Variants in MIGA2 observed in about 807,000 individuals in gnomAD.
The protein encoded by MIGA2 is mitoguardin 2.
A neutral mutation model predicts 69.9 loss-of-function variants in MIGA2; 36 were observed. That is an observed-to-expected ratio of 0.52 (90% CI 0.39 to 0.68). MIGA2 has a LOEUF of 0.68. Among genes scored for constraint, MIGA2 ranks in the 30% least tolerant of loss-of-function variants. The pLI is 0.00. For missense variants in MIGA2, 660 were observed against 787.7 expected (o/e 0.84, Z 1.94); for synonymous variants, 333 against 349.2 (o/e 0.95, Z 0.52).
chr9:129,048,438 C>G lies in MIGA2; in HGVS notation c.319C>G (p.Arg107Gly). 1 of 1,613,858 alleles carries G rather than the reference C, an allele frequency of 6.2e-7. No individual in the cohort carries two copies. Among genetic ancestry groups the G allele is most frequent in the Non-Finnish European group, 8.5e-7 (1 of 1,179,822 alleles). The change falls in exon 4 of 16, where the codon CGG becomes GGG. Residue 107 changes from arginine to glycine, a missense_variant. This residue lies in a region of MIGA2 where 386 missense variants were observed against 402.0 expected (regional missense o/e 0.96). Coordinates refer to ENST00000684074, the MANE Select transcript of MIGA2 (RefSeq NM_001329990.2). ...TCTGCTCCTCACAGGATACTCCAGC[C>G]GGAGAGTCCAGAGCCCCAGCAGCAA... ...VPSVKKGYSS[R>G]RVQSPSSKSN... is the part of the protein sequence containing the mutation.
In MIGA2 at chr9:129,068,444, C is replaced by T. The variant is rs917332271; in HGVS notation, c.1404+112C>T. 4 of 1,458,174 alleles carry T rather than the reference C, an allele frequency of 2.7e-6. No individual in the cohort carries two copies. The Admixed American group carries it at 6.2e-5, about 23-fold the overall frequency. 90.3% of individuals were successfully genotyped at this position (1,458,174 alleles called of 1,614,324 possible). On this transcript the variant is annotated intron_variant, in intron 13 of 15. Coordinates refer to ENST00000684074, the MANE Select transcript of MIGA2 (RefSeq NM_001329990.2). The surrounding 1 kb of genome is among the most constrained non-coding windows in gnomAD (Gnocchi z 4.1). Reference sequence around the variant, plus strand: ...GGCACCAGGGCTGGGCCCCCACCCCCTAGATCCGCGGCTGCCAGGCCTGGG... The same window carrying T: ...GGCACCAGGGCTGGGCCCCCACCCCTTAGATCCGCGGCTGCCAGGCCTGGG...
chr9:129,048,055 G>A (rs1019990416), intron 3 of MIGA2, among the ~76,000 whole-genome samples: 11 of 152,108 alleles, frequency 7.2e-5, no homozygotes, highest in Non-Finnish European at 1.3e-4. Context: ...AAAAGTTGTC[G>A]TCTCACATCT....
intron 1 of MIGA2, chr9:129,036,943 A>G (rs977501257): frequency 3.0e-6 from 3 of 1,002,766 alleles, no homozygotes; most frequent in Non-Finnish European, 3.6e-6. Context: ...CAGGTACCCG[A>G]TCCGAGGCGG....
intron 6 of MIGA2, among the ~76,000 whole-genome samples, chr9:129,053,886 G>A (rs754565629): frequency 1.2e-4 from 18 of 151,770 alleles, no homozygotes; most frequent in Non-Finnish European, 2.9e-5. Context: ...GTGCAGTGGC[G>A]TGACCAATTA....
In MIGA2 at chr9:129,068,962, C is replaced by T. The variant is rs1846516303; in HGVS notation, c.1405-114C>T. On this transcript the variant is annotated intron_variant, in intron 13 of 15. Transcript: ENST00000684074. This position sits in a 1 kb window ranked among gnomAD's most constrained non-coding sequence, Gnocchi z 4.1. The stretch of plus-strand genomic sequence containing the variant: ...AGCTTAGGCACCTGGCCCCATCTTC[C>T]TGCTTGGAGTGGGGTGAGCTGGGTT... 8.2e-7 allele frequency: 1 copy of T among 1,222,230 alleles called. No individual in the cohort carries two copies. Among genetic ancestry groups the T allele is most frequent in the Non-Finnish European group, 1.2e-6 (1 of 830,938 alleles). 75.7% of individuals were successfully genotyped at this position (1,222,230 alleles called of 1,614,324 possible).
Position 129,059,542 on chromosome 9 carries a change from G to A in MIGA2, c.793+271G>A, listed in dbSNP as rs1433431897. 6.6e-6 allele frequency among the ~76,000 whole-genome samples: 1 copy of A among 152,156 alleles called. No homozygotes were observed. The highest frequency in any genetic ancestry group is 6.5e-5 in the Admixed American group (1 of 15,272). ...TCCATCCTCTTGGGTGCAGCCTTGG[G>A]GTTCGTGTGGCAGCATCTCCCTGAT... On this transcript the variant is annotated intron_variant, in intron 7 of 15. Transcript: ENST00000684074. This position sits in a 1 kb window ranked among gnomAD's most constrained non-coding sequence, Gnocchi z 5.6.
rs1846032675 is a variant in MIGA2 at position 129,060,833 on chromosome 9, T to C, written c.894+183T>C. On this transcript the variant is annotated intron_variant, in intron 8 of 15. Transcript: ENST00000684074. This position sits in a 1 kb window ranked among gnomAD's most constrained non-coding sequence, Gnocchi z 4.8. ...GGGGTGCTGAGAAATCGGGGGCTGT[T>C]GTCCTGTGGGTGAGAGCAGGGGTTC... Among the ~76,000 whole-genome samples the C allele has an allele frequency of 6.6e-6, 1 of 151,914 alleles. No individual in the cohort carries two copies. The highest frequency in any genetic ancestry group is 1.5e-5 in the Non-Finnish European group (1 of 67,910).
At chr9:129,048,595 G>A (rs563509277) in intron 4 of MIGA2, 56 bp downstream of exon 4, 1 of 1,397,532 alleles carries the variant, frequency 7.2e-7, no homozygotes. Context: ...CCCCTGCTGA[G>A]GACTCTGCCC....
rs1164168132 is a variant in MIGA2 at position 129,060,679 on chromosome 9, G to C, written c.894+29G>C. 2 of 1,542,816 alleles carry C rather than the reference G, an allele frequency of 1.3e-6. No individual in the cohort carries two copies. The highest frequency in any genetic ancestry group is 2.7e-5 in the African/African-American group (2 of 73,242). ...ACTCGGGGTGGGGACCAAGCCTGGG[G>C]TGGGGTGAAGGCTGGGCCTCCTCTG... On this transcript the variant is annotated intron_variant, in intron 8 of 15. Transcript: ENST00000684074. The surrounding 1 kb of genome is among the most constrained non-coding windows in gnomAD (Gnocchi z 4.8).
In MIGA2 at chr9:129,070,243, C is replaced by T; in HGVS notation, c.1576-4C>T. On this transcript the variant is annotated splice_polypyrimidine_tract_variant and splice_region_variant and intron_variant, in intron 15 of 15. Coordinates refer to ENST00000684074, the MANE Select transcript of MIGA2 (RefSeq NM_001329990.2). ...CAGGCCTGACACCAGCCCTGCTCCC[C>T]CAGCACCAGATTGTGCAGTACCTGA... 1.9e-6 allele frequency: 3 copies of T among 1,610,178 alleles called. No individual in the cohort carries two copies. Among genetic ancestry groups the T allele is most frequent in the Non-Finnish European group, 2.5e-6 (3 of 1,177,760 alleles).
intron 3 of MIGA2, among the ~76,000 whole-genome samples, chr9:129,046,254 T>A (rs1845215785): frequency 6.6e-6 from 1 of 152,192 alleles, no homozygotes; most frequent in East Asian, 1.9e-4. Flanking sequence ...TGGAGTCATC[T>A]GCACAGCGTT....
intron 11 of MIGA2, 21 bp from the exon 12 acceptor site, chr9:129,067,752 G>A: frequency 6.3e-7 from 1 of 1,597,454 alleles, no homozygotes; most frequent in Non-Finnish European, 8.5e-7. Flanking sequence ...TGACCAGGAT[G>A]GGCCGTGCTT....
At chr9:129,049,634 A>T in intron 5 of MIGA2, 136 bp downstream of exon 5, 6 of 1,247,308 alleles carry the variant, frequency 4.8e-6, no homozygotes, top group Non-Finnish European at 6.9e-6. Flanking sequence ...ATTTCCAGCC[A>T]TTTCTGAACA....
Position 129,063,256 on chromosome 9 carries a change from G to A in MIGA2, c.1023G>A (p.Leu341=). 6.2e-7 allele frequency: 1 copy of A among 1,614,074 alleles called. No individual in the cohort carries two copies. Among genetic ancestry groups the A allele is most frequent in the Non-Finnish European group, 8.5e-7 (1 of 1,179,998 alleles). The change falls in exon 10 of 16, where the codon CTG becomes CTA. Residue 341 remains leucine (L), a synonymous_variant. Coordinates refer to ENST00000684074, the MANE Select transcript of MIGA2 (RefSeq NM_001329990.2). ...GTCCTCCCCTCAGGACGGAGCTGCT[G>A]GGCTGCTACAGTGACCAGGACTTTC... ...VPCRTLRTEL[L]GCYSDQDFLA... is the part of the protein sequence containing the mutation.
In MIGA2 at chr9:129,060,443, C is replaced by G. The variant is rs918643560; in HGVS notation, c.794-107C>G. ...CCATTGAGTGTGGGAATCACAGGCT[C>G]GGGATGAAGCCTCCCCTGGGCCTGA... On this transcript the variant is annotated intron_variant, in intron 7 of 15. Coordinates refer to ENST00000684074, the MANE Select transcript of MIGA2 (RefSeq NM_001329990.2). This position sits in a 1 kb window ranked among gnomAD's most constrained non-coding sequence, Gnocchi z 4.8. 7 of 885,244 alleles carry G rather than the reference C, an allele frequency of 7.9e-6. No individual in the cohort carries two copies. Among genetic ancestry groups the G allele is most frequent in the African/African-American group, 5.0e-5 (3 of 59,422 alleles). The allele number at this position is 885,244 out of a possible 1,614,324, so 54.8% of individuals were successfully genotyped here.
At chr9:129,055,194 C>T (rs963942896) in intron 6 of MIGA2, among the ~76,000 whole-genome samples, 3 of 151,628 alleles carry the variant, frequency 2.0e-5, no homozygotes, top group African/African-American at 2.4e-5. Context: ...TCTCCTGCCT[C>T]AGCCTCCTGA....
At chr9:129,057,002 C>A (rs961126514) in intron 6 of MIGA2, among the ~76,000 whole-genome samples, 1 of 151,858 alleles carries the variant, frequency 6.6e-6, no homozygotes, top group Non-Finnish European at 1.5e-5. Flanking sequence ...CCACTGCATT[C>A]CAGCCTGGGC....
At position 129,068,212 on chromosome 9, in the gene MIGA2, C is replaced by T. The variant is rs1445708843; in HGVS notation, c.1284C>T (p.Ser428=). ...ELEGRGVVCM[S]FFDIVLDFIL... Reference sequence around the variant, plus strand: ...ACCCTCTGTAGGTGGTATGCATGAGCTTCTTCGACATCGTGCTGGACTTCA... The same window carrying T: ...ACCCTCTGTAGGTGGTATGCATGAGTTTCTTCGACATCGTGCTGGACTTCA... Residue 428 remains serine, a synonymous_variant, in exon 13 of 16, where the codon AGC becomes AGT. Coordinates refer to ENST00000684074, the MANE Select transcript of MIGA2 (RefSeq NM_001329990.2). This position sits in a 1 kb window ranked among gnomAD's most constrained non-coding sequence, Gnocchi z 4.1. 6.2e-7 allele frequency: 1 copy of T among 1,613,868 alleles called. No homozygotes were observed. The highest frequency in any genetic ancestry group is 1.3e-5 in the African/African-American group (1 of 75,060).
At chr9:129,046,007 C>T (rs1845202698) in intron 3 of MIGA2, among the ~76,000 whole-genome samples, 2 of 151,994 alleles carry the variant, frequency 1.3e-5, no homozygotes, top group African/African-American at 4.8e-5. Flanking sequence ...GTGCGTGCCA[C>T]CACGCCCAGC....
Sources: allele counts gnomAD v4.1 joint callset (sites outside exome capture counted in the v4.1 genomes callset), GRCh38; gene constraint gnomAD v4.1.1; regional missense constraint gnomAD v4.1.1; non-coding constraint Gnocchi (gnomAD v3.1); transcripts MANE v1.5; gene names NCBI Gene and HGNC (gene_info 2026-07-23, HGNC 2026-07-21).